FRMD4A: variants seen among roughly 807,000 people sequenced by gnomAD.
FRMD4A encodes FERM domain containing 4A.
In FRMD4A, 29 loss-of-function variants were observed where a neutral mutation model predicts 129.1. The observed-to-expected ratio is 0.22, with a 90% CI of 0.17 to 0.31. FRMD4A has a LOEUF of 0.31. Among genes scored for constraint, FRMD4A ranks in the 10% least tolerant of loss-of-function variants. FRMD4A has a pLI of 1.00. For synonymous variants in FRMD4A, 634 were observed against 571.6 expected (o/e 1.11, Z -1.56); for missense variants, 1,272 against 1,375.8 (o/e 0.92, Z 1.19).
intron 2 of FRMD4A, among the ~76,000 whole-genome samples, chr10:14,149,266 G>A (rs1162198160): frequency 2.6e-5 from 4 of 152,126 alleles, no homozygotes; most frequent in African/African-American, 9.7e-5. Context: ...TTAAATATTA[G>A]TTATAATGGA....
At chr10:14,091,566 T>C (rs1396457578) in intron 2 of FRMD4A, among the ~76,000 whole-genome samples, 1 of 152,210 alleles carries the variant, frequency 6.6e-6, no homozygotes, top group Non-Finnish European at 1.5e-5. Flanking sequence ...CCTGAGTAGC[T>C]GGGACTACAG....
rs74121340 is a variant in FRMD4A, at chr10:13,646,042, T to A, written c.*996A>T. The stretch of plus-strand genomic sequence containing the variant: ...CCCCTGCATGGACCGGGGCTAACAG[T>A]ACCCTCTACGACTCCCACAGGTCTC... On this transcript the variant is annotated 3_prime_UTR_variant, in exon 25 of 25. Transcript: ENST00000357447. 5,226 of 152,424 alleles carry A rather than the reference T, an allele frequency of 0.034. 237 individuals carry two copies. The highest frequency in any genetic ancestry group is 0.099 in the African/African-American group (4,104 of 41,502). The allele number at this position is 152,424 out of a possible 1,614,324, so 9.4% of individuals were successfully genotyped here. A position where few individuals can be genotyped will look rare whatever the true frequency, so the allele number is the denominator to read the frequency against.
At chr10:13,679,458 A>T (rs866215503) in intron 15 of FRMD4A, among the ~76,000 whole-genome samples, 1,414 of 24,124 alleles carry the variant, frequency 0.059, 81 homozygotes, top group African/African-American at 0.16. Context: ...AAAAAAAAAA[A>T]AAATATATAT....
At chr10:14,308,847 T>G (rs1042368209) in intron 2 of FRMD4A, among the ~76,000 whole-genome samples, 2 of 152,212 alleles carry the variant, frequency 1.3e-5, no homozygotes, top group Non-Finnish European at 2.9e-5. Flanking sequence ...TGTTTTCACA[T>G]AAGTTGAAAA....
At chr10:14,181,675 A>T (rs1465730700) in intron 2 of FRMD4A, among the ~76,000 whole-genome samples, 1 of 152,180 alleles carries the variant, frequency 6.6e-6, no homozygotes, top group Non-Finnish European at 1.5e-5. Flanking sequence ...ATATGTACGC[A>T]TTGTGAAATG....
chr10:14,264,348 G>A (rs1330671357), intron 2 of FRMD4A, among the ~76,000 whole-genome samples: 1 of 152,102 alleles, frequency 6.6e-6, no homozygotes, highest in Non-Finnish European at 1.5e-5. Context: ...TAGATGAGGT[G>A]GATCTTAATT....
At chr10:13,711,211 T>C (rs2087982396) in intron 12 of FRMD4A, among the ~76,000 whole-genome samples, 1 of 152,190 alleles carries the variant, frequency 6.6e-6, no homozygotes, top group South Asian at 2.1e-4. Flanking sequence ...TGGAAAAGCA[T>C]CATTTTCTTC....
At chr10:14,108,619 G>A (rs950645913) in intron 2 of FRMD4A, among the ~76,000 whole-genome samples, 2 of 152,180 alleles carry the variant, frequency 1.3e-5, no homozygotes, top group African/African-American at 4.8e-5. Flanking sequence ...GTCCTGTTTA[G>A]CAAAAAGAAG....
intron 2 of FRMD4A, among the ~76,000 whole-genome samples, chr10:14,084,084 T>C (rs1452390398): frequency 6.6e-6 from 1 of 152,212 alleles, no homozygotes; most frequent in African/African-American, 2.4e-5. Flanking sequence ...AGTAAAGCAC[T>C]CACAGCCCTG....
intron 2 of FRMD4A, among the ~76,000 whole-genome samples, chr10:14,102,770 G>GAT (rs1837375807): frequency 6.7e-6 from 1 of 148,978 alleles, no homozygotes; most frequent in Non-Finnish European, 1.5e-5. Flanking sequence ...AAGATAGTGA[G>GAT]AAAAAAAAAA....
At chr10:14,161,460 T>C (rs573711415) in intron 2 of FRMD4A, among the ~76,000 whole-genome samples, 12 of 152,296 alleles carry the variant, frequency 7.9e-5, no homozygotes, top group Non-Finnish European at 1.5e-4. Context: ...AAATGTGACA[T>C]ATATACACAA....
At chr10:14,091,828 T>C (rs1275591074) in intron 2 of FRMD4A, among the ~76,000 whole-genome samples, 1 of 152,214 alleles carries the variant, frequency 6.6e-6, no homozygotes, top group Non-Finnish European at 1.5e-5. Context: ...TTTCAGTTAG[T>C]ATATGATGTG....
intron 2 of FRMD4A, among the ~76,000 whole-genome samples, chr10:14,124,532 C>T (rs756457388): frequency 5.3e-5 from 8 of 152,124 alleles, no homozygotes; most frequent in South Asian, 4.2e-4. Context: ...AAAAATTAGC[C>T]GGGCATGGTG....
chr10:13,898,125 C>A (rs1005366738), intron 2 of FRMD4A, among the ~76,000 whole-genome samples: 6 of 152,002 alleles, frequency 3.9e-5, no homozygotes, highest in Admixed American at 1.3e-4. Flanking sequence ...GTAATCCCAG[C>A]ACTTTGGGAG....
At chr10:14,144,241 A>G (rs1839973978) in intron 2 of FRMD4A, among the ~76,000 whole-genome samples, 1 of 151,936 alleles carries the variant, frequency 6.6e-6, no homozygotes, top group Non-Finnish European at 1.5e-5. Flanking sequence ...AATCAGTGTC[A>G]CTCTTGGGAG....
intron 3 of FRMD4A, among the ~76,000 whole-genome samples, chr10:13,813,007 T>C (rs112359746): frequency 0.017 from 2,649 of 152,316 alleles, 59 homozygotes; most frequent in African/African-American, 0.058. Context: ...GCAAGATGGG[T>C]GCTCTTGAAG....
intron 2 of FRMD4A, among the ~76,000 whole-genome samples, chr10:14,221,129 C>T (rs1223097211): frequency 6.6e-6 from 1 of 152,154 alleles, no homozygotes; most frequent in African/African-American, 2.4e-5. Flanking sequence ...AGAGGAGAAT[C>T]AAGGTGCAAA....
At chr10:13,979,501 T>C (rs2131400567) in intron 2 of FRMD4A, among the ~76,000 whole-genome samples, 1 of 152,298 alleles carries the variant, frequency 6.6e-6, no homozygotes, top group Non-Finnish European at 1.5e-5. Flanking sequence ...GATTGCTCAG[T>C]GAGGAGCAGC....
intron 2 of FRMD4A, among the ~76,000 whole-genome samples, chr10:14,324,831 T>TTGTATTTTTAGTAGA (rs1217525764): frequency 1.3e-5 from 2 of 152,128 alleles, no homozygotes; most frequent in Admixed American, 6.5e-5. Context: ...TTGCTAATTT[T>TTGTATTTTTAGTAGA]TGTATTTTTA....
Sources: gnomAD v4.1 joint callset for allele counts (sites outside exome capture counted in the v4.1 genomes callset) on GRCh38, gnomAD v4.1.1 for gene constraint, MANE v1.5 for transcripts, NCBI Gene and HGNC (gene_info 2026-07-23, HGNC 2026-07-21) for gene names.